Variants in ZFPM2 observed in about 807,000 individuals in gnomAD.
ZFPM2 encodes zinc finger protein ZFPM2.
A neutral mutation model predicts 98.6 loss-of-function variants in ZFPM2; 20 were observed. The observed-to-expected ratio is 0.20, with a 90% confidence interval of 0.14 to 0.29. ZFPM2 has a LOEUF of 0.29. Ranked by LOEUF, ZFPM2 falls within the 10% of genes least tolerant of loss-of-function variation. The pLI, the probability that ZFPM2 is intolerant of heterozygous loss-of-function variation, is 1.00. For synonymous variants in ZFPM2, 518 were observed against 502.7 expected (o/e 1.03, Z -0.41); for missense variants, 1,310 against 1,388.6 (o/e 0.94, Z 0.90).
chr8:105,522,750 CA>C (rs34364728), intron 3 of ZFPM2, among the ~76,000 whole-genome samples: 27 of 145,938 alleles, frequency 1.9e-4, no homozygotes, highest in Admixed American at 4.1e-4. Flanking sequence ...CTCCATCTTT[CA>C]AAAAAAAAAA....
intron 5 of ZFPM2, among the ~76,000 whole-genome samples, chr8:105,680,079 G>A (rs764193733): frequency 6.6e-6 from 1 of 152,062 alleles, no homozygotes; most frequent in Non-Finnish European, 1.5e-5. Context: ...TTTGAGTCAA[G>A]AAATAGAGAT....
In ZFPM2 at chr8:105,523,079, A is replaced by AT. The variant is rs560867128; in HGVS notation, c.302-38277dup. Reference sequence around the variant, plus strand: ...TGAGCAAATTAGTTTTAATTAATTCATTTTTTTCATCTGAAATGGGCTTAA... The same window carrying AT: ...TGAGCAAATTAGTTTTAATTAATTCATTTTTTTTCATCTGAAATGGGCTTAA... On this transcript the variant is annotated intron_variant, in intron 3 of 7. Transcript: ENST00000407775. 4.9e-4 allele frequency among the ~76,000 whole-genome samples: 74 copies of AT among 152,222 alleles called. 2 individuals are homozygous for AT. Among genetic ancestry groups the AT allele is most frequent in the Admixed American group, 2.7e-3 (42 of 15,276 alleles).
At chr8:105,447,214 A>T (rs1812392069) in intron 3 of ZFPM2, among the ~76,000 whole-genome samples, 1 of 152,008 alleles carries the variant, frequency 6.6e-6, no homozygotes, top group Non-Finnish European at 1.5e-5. Flanking sequence ...TTAAAAATTA[A>T]TAAAAAAATA....
At chr8:105,698,871 A>T (rs2130953008) in intron 5 of ZFPM2, among the ~76,000 whole-genome samples, 1 of 152,264 alleles carries the variant, frequency 6.6e-6, no homozygotes, top group South Asian at 2.1e-4. Flanking sequence ...TTTCATCTAG[A>T]ACATTTCCAT....
At chr8:105,613,043 G>T (rs1291117463) in intron 4 of ZFPM2, among the ~76,000 whole-genome samples, 1 of 152,182 alleles carries the variant, frequency 6.6e-6, no homozygotes, top group African/African-American at 2.4e-5. Flanking sequence ...TAGGTGATCA[G>T]TAAGTGTCTT....
intron 5 of ZFPM2, among the ~76,000 whole-genome samples, chr8:105,785,778 C>T (rs1196896605): frequency 1.3e-5 from 2 of 152,072 alleles, no homozygotes; most frequent in African/African-American, 4.8e-5. Flanking sequence ...CTTGGTGGCT[C>T]ACGCCTGCAA....
At chr8:105,322,824 A>G (rs1481716777) in intron 1 of ZFPM2, among the ~76,000 whole-genome samples, 1 of 152,120 alleles carries the variant, frequency 6.6e-6, no homozygotes, top group African/African-American at 2.4e-5. Flanking sequence ...GGTCTTTCCC[A>G]GAAGTTGGAA....
intron 5 of ZFPM2, among the ~76,000 whole-genome samples, chr8:105,710,358 G>T (rs1180110935): frequency 1.3e-5 from 2 of 151,822 alleles, no homozygotes; most frequent in Non-Finnish European, 2.9e-5. Flanking sequence ...AGAAGGAGGG[G>T]GATATATGGT....
intron 1 of ZFPM2, among the ~76,000 whole-genome samples, chr8:105,378,362 G>T (rs371810095): frequency 6.6e-6 from 1 of 152,022 alleles, no homozygotes; most frequent in African/African-American, 2.4e-5. Context: ...GAAAACTTAC[G>T]ATATTTCCAA....
At chr8:105,656,190 C>T (rs993689104) in intron 5 of ZFPM2, among the ~76,000 whole-genome samples, 3 of 151,964 alleles carry the variant, frequency 2.0e-5, no homozygotes, top group African/African-American at 7.3e-5. Flanking sequence ...TCCCTCTTTG[C>T]CTCCTTTACA....
intron 5 of ZFPM2, among the ~76,000 whole-genome samples, chr8:105,683,012 T>C (rs894148036): frequency 7.9e-5 from 12 of 152,108 alleles, no homozygotes; most frequent in African/African-American, 2.7e-4. Flanking sequence ...GTCTTCCTTA[T>C]AGAGGGCATC....
At chr8:105,336,701 C>G (rs984499453) in intron 1 of ZFPM2, among the ~76,000 whole-genome samples, 1 of 149,720 alleles carries the variant, frequency 6.7e-6, no homozygotes, top group Non-Finnish European at 1.5e-5. Flanking sequence ...CACACACACA[C>G]ACACACACAC....
intron 3 of ZFPM2, among the ~76,000 whole-genome samples, chr8:105,507,135 A>C (rs1040749991): frequency 3.3e-5 from 5 of 152,202 alleles, no homozygotes; most frequent in Admixed American, 2.0e-4. Context: ...TTTGTTATTA[A>C]TAAGATGATT....
intron 5 of ZFPM2, among the ~76,000 whole-genome samples, chr8:105,719,186 G>A (rs1237305964): frequency 6.6e-6 from 1 of 151,864 alleles, no homozygotes; most frequent in Non-Finnish European, 1.5e-5. Context: ...CCCATGAGAT[G>A]GTAATGTCTG....
rs377141305 is a variant in ZFPM2 at position 105,475,652 on chromosome 8, G to A, written c.301+31271G>A. ...ACAAATTTCAATGTGAATTAGAAAA[G>A]CGTTTTTAACATCATCTCTGGAAGT... is the stretch of plus-strand genomic sequence containing the variant. On this transcript the variant is annotated intron_variant, in intron 3 of 7. Coordinates refer to ENST00000407775, the MANE Select transcript of ZFPM2 (RefSeq NM_012082.4). 7.9e-5 allele frequency among the ~76,000 whole-genome samples: 12 copies of A among 152,256 alleles called. No individual in the cohort carries two copies. In the East Asian group the frequency reaches 2.3e-3, roughly 29 times the overall value.
chr8:105,551,896 G>A (rs141830935), intron 3 of ZFPM2, among the ~76,000 whole-genome samples: 401 of 152,202 alleles, frequency 2.6e-3, no homozygotes, highest in African/African-American at 8.8e-3. Context: ...GATCTAGCAC[G>A]TCTACAAACA....
chr8:105,531,851 G>A lies in ZFPM2; in HGVS notation c.302-29512G>A, dbSNP rs184115224. Among the ~76,000 whole-genome samples, 7 of 152,218 alleles carry A rather than the reference G, an allele frequency of 4.6e-5. No individual in the cohort carries two copies. In the East Asian group the frequency reaches 9.6e-4, roughly 21 times the overall value. ...TGAAACAAAGAACTTTTCTGCTACTGTAATGGGTCATTTAAAAATCCGAAT... is the reference window on the plus strand; with the variant it reads ...TGAAACAAAGAACTTTTCTGCTACTATAATGGGTCATTTAAAAATCCGAAT... On this transcript the variant is annotated intron_variant, in intron 3 of 7. Coordinates refer to ENST00000407775, the MANE Select transcript of ZFPM2 (RefSeq NM_012082.4).
intron 5 of ZFPM2, among the ~76,000 whole-genome samples, chr8:105,674,304 TGA>T (rs1025622238): frequency 8.7e-4 from 133 of 152,288 alleles, no homozygotes; most frequent in African/African-American, 3.0e-3. Flanking sequence ...TGCCTGCCTG[TGA>T]GAGAGAGGGT....
chr8:105,396,365 T>G (rs915308382), intron 1 of ZFPM2, among the ~76,000 whole-genome samples: 1 of 152,216 alleles, frequency 6.6e-6, no homozygotes, highest in Non-Finnish European at 1.5e-5. Context: ...TGTGAGTACC[T>G]GCCTTTCTCT....
Sources: gnomAD v4.1 joint callset for allele counts (sites outside exome capture counted in the v4.1 genomes callset) on GRCh38, gnomAD v4.1.1 for gene constraint, MANE v1.5 for transcripts, NCBI Gene and HGNC (gene_info 2026-07-23, HGNC 2026-07-21) for gene names.